SIPA1L1: variants seen among roughly 807,000 people sequenced by gnomAD.
SIPA1L1 encodes the protein signal-induced proliferation-associated 1-like protein 1.
SIPA1L1 carries 26 observed loss-of-function variants against 162.7 expected under a neutral mutation model. The ratio of observed to expected loss-of-function variants is 0.16; its 90% CI spans 0.12 to 0.22. The LOEUF (loss-of-function observed/expected upper bound fraction) is 0.22. Ranked by LOEUF, SIPA1L1 falls within the 10% of genes least tolerant of loss-of-function variation. The pLI, the probability that SIPA1L1 is intolerant of heterozygous loss-of-function variation, is 1.00. For synonymous variants in SIPA1L1, 829 were observed against 837.4 expected, an observed-to-expected ratio of 0.99 and a Z score of 0.17; for missense variants, 1,874 against 2,241.0, an observed-to-expected ratio of 0.84 and a Z score of 3.31.
chr14:71,735,771 T>C (rs965434053), intron 22 of SIPA1L1, among the ~76,000 whole-genome samples: 2 of 152,198 alleles, frequency 1.3e-5, no homozygotes, highest in African/African-American at 4.8e-5. Flanking sequence ...TGCTTATACA[T>C]GCGCTTGCTG....
At chr14:71,730,791 T>TTATGTAA (rs1200585783) in intron 20 of SIPA1L1, among the ~76,000 whole-genome samples, 1 of 152,178 alleles carries the variant, frequency 6.6e-6, no homozygotes, top group Non-Finnish European at 1.5e-5. Flanking sequence ...CAGGCAAGCA[T>TTATGTAA]TATGTAAGGA....
chr14:71,358,593 TC>T (rs1482204388), intron 2 of SIPA1L1, among the ~76,000 whole-genome samples: 6 of 152,192 alleles, frequency 3.9e-5, no homozygotes, highest in Admixed American at 1.3e-4. Context: ...CATTCCTGAA[TC>T]CCTTTTTCTT....
At chr14:71,519,159 G>C (rs957585508) in intron 3 of SIPA1L1, among the ~76,000 whole-genome samples, 2 of 151,916 alleles carry the variant, frequency 1.3e-5, no homozygotes, top group African/African-American at 4.8e-5. Flanking sequence ...ACCCGGTCGT[G>C]GTGGCATGCA....
At chr14:71,699,611 A>G (rs181927857) in intron 14 of SIPA1L1, among the ~76,000 whole-genome samples, 3 of 152,300 alleles carry the variant, frequency 2.0e-5, no homozygotes, top group Admixed American at 2.0e-4. Context: ...GCCCCGGTAA[A>G]TGAGGAGTTT....
chr14:71,493,896 A>C (rs1398985487), intron 2 of SIPA1L1, among the ~76,000 whole-genome samples: 1 of 152,222 alleles, frequency 6.6e-6, no homozygotes, highest in Non-Finnish European at 1.5e-5. Context: ...AAGGAACTTT[A>C]TACTCCTGAT....
At chr14:71,347,778 G>A (rs141969965) in intron 2 of SIPA1L1, among the ~76,000 whole-genome samples, 1 of 152,160 alleles carries the variant, frequency 6.6e-6, no homozygotes, top group East Asian at 1.9e-4. Context: ...GTGTTTGCTG[G>A]CCATTTGTAG....
chr14:71,606,567 C>G (rs896786560), intron 5 of SIPA1L1, among the ~76,000 whole-genome samples: 3 of 152,114 alleles, frequency 2.0e-5, no homozygotes, highest in Admixed American at 6.5e-5. Context: ...GAGCACTGCC[C>G]TGGCACGGTT....
At position 71,652,970 on chromosome 14, in the gene SIPA1L1, T is replaced by C. The variant is rs112693212; in HGVS notation, c.1993+2461T>C. On this transcript the variant is annotated intron_variant, in intron 8 of 23. Transcript: ENST00000381232. ...TTTAATGGGGTTCCTTTGTATATAT[T>C]TTACTTCCTCACATGTCTGGTTGTT... 5.5e-3 allele frequency among the ~76,000 whole-genome samples: 831 copies of C among 152,290 alleles called. 11 individuals carry two copies. Among genetic ancestry groups the C allele is most frequent in the African/African-American group, 0.019 (782 of 41,572 alleles).
chr14:71,354,370 C>T (rs2037029239), intron 2 of SIPA1L1, among the ~76,000 whole-genome samples: 2 of 151,596 alleles, frequency 1.3e-5, no homozygotes, highest in Non-Finnish European at 2.9e-5. Flanking sequence ...CTCTGCCTCC[C>T]AGGTTCAAGT....
rs762280265 is a variant in SIPA1L1, at chr14:71,588,723, G to A, written c.851G>A (p.Arg284Gln). 17 of 1,614,004 alleles carry A rather than the reference G, an allele frequency of 1.1e-5. No homozygotes were observed. Among genetic ancestry groups the A allele is most frequent in the East Asian group, 2.2e-5 (1 of 44,854 alleles). The change falls in exon 5 of 24, where the codon CGA (arginine) becomes CAA (glutamine). Residue 284 changes from arginine (R) to glutamine (Q), a missense_variant. Physicochemically the swap from Arg to Gln is conservative, Grantham distance 43. Around this residue, in one of 5 missense-constraint regions of SIPA1L1, gnomAD observed 685 missense variants for 828.0 expected, o/e 0.83. Transcript: ENST00000381232. The surrounding 1 kb of genome is among the most constrained non-coding windows in gnomAD (Gnocchi z 4.3). ...AAGGAAAGGGAAAAACCACTCAAGC[G>A]ACGTTCAAAATCTGAAACTGGAGAC... is the stretch of plus-strand genomic sequence containing the variant. ...LFKEREKPLK[R>Q]RSKSETGDSS... is the part of the protein sequence containing the mutation.
At chr14:71,402,268 G>A (rs150853182) in intron 2 of SIPA1L1, among the ~76,000 whole-genome samples, 26 of 151,958 alleles carry the variant, frequency 1.7e-4, no homozygotes, top group African/African-American at 5.5e-4. Flanking sequence ...TGATGGCATT[G>A]TATAAAAAAG....
intron 9 of SIPA1L1, among the ~76,000 whole-genome samples, chr14:71,660,387 C>T (rs1011658553): frequency 3.9e-5 from 6 of 152,056 alleles, no homozygotes; most frequent in Admixed American, 6.6e-5. Flanking sequence ...AACATTCTAA[C>T]TCCCAATTTG....
chr14:71,684,121 C>T (rs1380580507), intron 12 of SIPA1L1, among the ~76,000 whole-genome samples: 1 of 152,192 alleles, frequency 6.6e-6, no homozygotes, highest in African/African-American at 2.4e-5. Flanking sequence ...GAAGAAAGTA[C>T]TCCTTGGAGA....
At chr14:71,699,271 G>A in intron 14 of SIPA1L1, 144 bp downstream of exon 14, 1 of 815,744 alleles carries the variant, frequency 1.2e-6, no homozygotes, top group Non-Finnish European at 1.9e-6. Flanking sequence ...TAATAATCCA[G>A]ATAGAAAAAT....
At chr14:71,360,292 A>G (rs1595000562) in intron 2 of SIPA1L1, among the ~76,000 whole-genome samples, 1 of 152,242 alleles carries the variant, frequency 6.6e-6, no homozygotes, top group South Asian at 2.1e-4. Context: ...GACCTTTAGA[A>G]TTCAGTGACA....
intron 5 of SIPA1L1, among the ~76,000 whole-genome samples, chr14:71,614,401 G>T (rs1174672631): frequency 6.6e-6 from 1 of 152,038 alleles, no homozygotes; most frequent in Non-Finnish European, 1.5e-5. Flanking sequence ...AAAGACAGTG[G>T]ACCAAAACAG....
chr14:71,368,156 C>CTTTTTTTTTTTTTT (rs2038532605), intron 2 of SIPA1L1, among the ~76,000 whole-genome samples: 1 of 106,064 alleles, frequency 9.4e-6, no homozygotes. Context: ...TTTTTTTTTT[C>CTTTTTTTTTTTTTT]TTTCTTTTTT....
Position 71,732,457 on chromosome 14 carries a change from C to G in SIPA1L1, c.4862-1209C>G, listed in dbSNP as rs540238215. ...TTTCTATGTCATGAGCGTCGTTTCC[C>G]CTGGACCCCAGCAGCCCGCCCTTCC... On this transcript the variant is annotated intron_variant, in intron 20 of 23. Transcript: ENST00000381232. Among the ~76,000 whole-genome samples, 266 of 152,218 alleles carry G rather than the reference C, an allele frequency of 1.7e-3. 3 individuals are homozygous for G. Among genetic ancestry groups the G allele is most frequent in the Middle Eastern group, 6.8e-3 (2 of 294 alleles).
At chr14:71,679,027 G>A (rs2045514729) in intron 12 of SIPA1L1, among the ~76,000 whole-genome samples, 1 of 152,206 alleles carries the variant, frequency 6.6e-6, no homozygotes, top group South Asian at 2.1e-4. Context: ...ATATTATCCT[G>A]GAGAACTTCC....
Sources: allele counts gnomAD v4.1 joint callset (sites outside exome capture counted in the v4.1 genomes callset), GRCh38; gene constraint gnomAD v4.1.1; regional missense constraint gnomAD v4.1.1; non-coding constraint Gnocchi (gnomAD v3.1); transcripts MANE v1.5; gene names NCBI Gene and HGNC (gene_info 2026-07-23, HGNC 2026-07-21).